UGGT1: variants seen among roughly 807,000 people sequenced by gnomAD.
The protein encoded by UGGT1 is UDP-glucose:glycoprotein glucosyltransferase 1.
UGGT1 carries 107 observed loss-of-function variants against 203.9 expected under a neutral mutation model. The observed-to-expected ratio is 0.52, with a 90% CI of 0.45 to 0.62. UGGT1 has a LOEUF of 0.62. Ranked by LOEUF, UGGT1 falls within the 20% of genes least tolerant of loss-of-function variation. The pLI is 0.00. For missense variants in UGGT1, 1,673 were observed against 1,867.2 expected, an observed-to-expected ratio of 0.90 and a Z score of 1.92; for synonymous variants, 628 against 653.5, an observed-to-expected ratio of 0.96 and a Z score of 0.59.
At chr2:128,156,447 T>C in intron 21 of UGGT1, 32 bp downstream of exon 21, 1 of 1,537,654 alleles carries the variant, frequency 6.5e-7, no homozygotes, top group Admixed American at 1.7e-5. Context: ...TTCTATTTCT[T>C]AATTTTCTTC....
chr2:128,173,503 A>G (rs1246910102), intron 29 of UGGT1, among the ~76,000 whole-genome samples: 6 of 152,054 alleles, frequency 3.9e-5, no homozygotes, highest in Non-Finnish European at 8.8e-5. Context: ...AATTGTATAC[A>G]GTCATTAACC....
At chr2:128,129,785 A>G (rs1284802647) in intron 13 of UGGT1, among the ~76,000 whole-genome samples, 4 of 152,174 alleles carry the variant, frequency 2.6e-5, no homozygotes, top group African/African-American at 7.2e-5. Flanking sequence ...TATTTTCTCA[A>G]TTGCATACAG....
intron 26 of UGGT1, among the ~76,000 whole-genome samples, 165 bp from the exon 27 acceptor site, chr2:128,170,123 A>C (rs1022443563): frequency 1.3e-5 from 2 of 152,220 alleles, no homozygotes; most frequent in Non-Finnish European, 1.5e-5. Flanking sequence ...AAGGTTTTGC[A>C]ATCTTTGGGA....
chr2:128,133,022 G>C (rs1688956106), intron 13 of UGGT1, 119 bp from the exon 14 acceptor site: 9 of 1,290,070 alleles, frequency 7.0e-6, no homozygotes, highest in Admixed American at 4.1e-5. Context: ...TTTTATCTTT[G>C]AAAATGGTCT....
In UGGT1 at chr2:128,164,719, C is replaced by T. The variant is rs1573602289; in HGVS notation, c.2826-11C>T. On this transcript the variant is annotated splice_polypyrimidine_tract_variant and intron_variant, in intron 25 of 40. Transcript: ENST00000259253. ...AAAAGATGTTAAGATTTCTCTAACC[C>T]CTTCTTTCAGGGCAAGCGACTTGGT... 1.2e-6 allele frequency: 2 copies of T among 1,612,310 alleles called. No homozygotes were observed. The highest frequency in any genetic ancestry group is 4.5e-5 in the East Asian group (2 of 44,842).
At chr2:128,161,375 T>C in intron 25 of UGGT1, 107 bp downstream of exon 25, 1 of 1,330,096 alleles carries the variant, frequency 7.5e-7, no homozygotes, top group Middle Eastern at 2.8e-4. Context: ...CAAGGAGTTT[T>C]ATTTCCAGTT....
Position 128,180,949 on chromosome 2 carries a change from A to G in UGGT1, c.3960A>G (p.Lys1320=). Residue 1320 remains lysine (K), a synonymous_variant, in exon 36 of 41, where the codon AAA becomes AAG. Coordinates refer to ENST00000259253, the MANE Select transcript of UGGT1 (RefSeq NM_020120.4). ...TCCAGTATGAGCTTGTTCAGTACAAATGGCCCCGGTGGCTTCATCAACAAA... is the reference window on the plus strand; with the variant it reads ...TCCAGTATGAGCTTGTTCAGTACAAGTGGCCCCGGTGGCTTCATCAACAAA... The part of the protein sequence containing the change: ...YNFQYELVQY[K]WPRWLHQQTE... 6.2e-7 allele frequency: 1 copy of G among 1,614,184 alleles called. No homozygotes were observed.
intron 38 of UGGT1, among the ~76,000 whole-genome samples, chr2:128,184,531 CAA>C (rs1289361275): frequency 1.3e-5 from 2 of 152,186 alleles, no homozygotes; most frequent in South Asian, 2.1e-4. Flanking sequence ...TCCTCCCTAA[CAA>C]AAGTGTCTAG....
chr2:128,160,678 A>G, intron 24 of UGGT1, 87 bp downstream of exon 24: 13 of 1,488,750 alleles, frequency 8.7e-6, no homozygotes, highest in South Asian at 1.3e-5. Context: ...CTCTTCAGAC[A>G]GAGCCACTCT....
chr2:128,187,842 A>G (rs1259550080), intron 40 of UGGT1, among the ~76,000 whole-genome samples: 9 of 140,052 alleles, frequency 6.4e-5, no homozygotes, highest in Non-Finnish European at 3.1e-5. Flanking sequence ...TTTTCTGGTG[A>G]GGGGGAGAAA....
rs753284117 is a variant in UGGT1 at position 128,152,772 on chromosome 2, T to C, written c.2017-12T>C. The C allele has an allele frequency of 6.9e-6, 11 of 1,588,632 alleles. No homozygotes were observed. In the Admixed American group the frequency reaches 1.1e-4, roughly 17 times the overall value. ...TACCCTCCCCCCTCAACCTCCTTTT[T>C]TTTTCTTGCAGGGTGAACTGCCCCA... On this transcript the variant is annotated splice_polypyrimidine_tract_variant and intron_variant, in intron 18 of 40. Coordinates refer to ENST00000259253, the MANE Select transcript of UGGT1 (RefSeq NM_020120.4).
rs768331775 is a variant in UGGT1 at position 128,107,942 on chromosome 2, C to G, written c.282C>G (p.Thr94=). The change falls in exon 4 of 41, where the codon ACC becomes ACG. Residue 94 remains threonine (T), a synonymous_variant. Transcript: ENST00000259253. ...GTTAATGTTCTTCCTTGACAGGTAC[C>G]GATTATTCCTACTATCATGCAATAT... is the stretch of plus-strand genomic sequence containing the variant. ...QNIGSSDHDG[T]DYSYYHAILE... 8 of 1,613,944 alleles carry G rather than the reference C, an allele frequency of 5.0e-6. No individual in the cohort carries two copies. Among genetic ancestry groups the G allele is most frequent in the Admixed American group, 1.7e-5 (1 of 59,988 alleles).
At chr2:128,146,196 A>G (rs1184382237) in intron 18 of UGGT1, among the ~76,000 whole-genome samples, 1 of 152,232 alleles carries the variant, frequency 6.6e-6, no homozygotes, top group East Asian at 1.9e-4. Context: ...CTGTAGTCCT[A>G]GCTACTCAGG....
rs1269512989 is a variant in UGGT1 at position 128,183,719 on chromosome 2, C to G, written c.4289C>G (p.Ala1430Gly). 6.2e-7 allele frequency: 1 copy of G among 1,614,048 alleles called. No individual in the cohort carries two copies. The change falls in exon 38 of 41, where the codon GCT becomes GGT. Residue 1430 changes from alanine to glycine, a missense_variant. Physicochemically the swap from Ala to Gly is moderately conservative, Grantham distance 60. Transcript: ENST00000259253. ...VDLKKFRKIA[A>G]GDRLRGQYQG... ...CTGAAGAAGTTTAGGAAAATAGCTG[C>G]TGGTGACAGACTCAGGGGACAGTAC...
chr2:128,182,401 G>C, intron 37 of UGGT1, 111 bp downstream of exon 37: 1 of 1,347,726 alleles, frequency 7.4e-7, no homozygotes, highest in Non-Finnish European at 9.9e-7. Context: ...AAATAAAAAT[G>C]ATAAAAAATA....
intron 18 of UGGT1, 66 bp downstream of exon 18, chr2:128,146,033 T>C (rs1291180210): frequency 2.4e-5 from 37 of 1,563,422 alleles, no homozygotes; most frequent in Non-Finnish European, 3.1e-5. Context: ...GTTGCCTCTA[T>C]AGTAGGCAGT....
intron 38 of UGGT1, among the ~76,000 whole-genome samples, chr2:128,184,601 G>C (rs760833557): frequency 2.0e-5 from 3 of 152,158 alleles, no homozygotes; most frequent in Non-Finnish European, 4.4e-5. Flanking sequence ...GTTTAAGCAT[G>C]TATCCATAAA....
At chr2:128,130,856 G>A (rs548848961) in intron 13 of UGGT1, among the ~76,000 whole-genome samples, 3 of 151,818 alleles carry the variant, frequency 2.0e-5, no homozygotes, top group Admixed American at 6.6e-5. Flanking sequence ...AAATTCCTGC[G>A]GTCAAGCAAT....
chr2:128,145,273 A>G (rs982737490), intron 17 of UGGT1, among the ~76,000 whole-genome samples: 2 of 152,166 alleles, frequency 1.3e-5, no homozygotes, highest in East Asian at 3.8e-4. Flanking sequence ...TTGGCAGCCC[A>G]TGGTCACATG....
Sources: allele counts gnomAD v4.1 joint callset (sites outside exome capture counted in the v4.1 genomes callset), GRCh38; gene constraint gnomAD v4.1.1; transcripts MANE v1.5; gene names NCBI Gene and HGNC (gene_info 2026-07-23, HGNC 2026-07-21).